Variants in MAML3 observed in about 807,000 individuals in gnomAD.
MAML3 encodes mastermind-like protein 3.
A neutral mutation model predicts 101.9 loss-of-function variants in MAML3; 27 were observed. That is an observed-to-expected ratio of 0.27 (90% CI 0.20 to 0.37). The LOEUF (loss-of-function observed/expected upper bound fraction) is 0.37, where lower values mean the gene tolerates loss of function less well. Ranked by LOEUF, MAML3 falls within the 10% of genes least tolerant of loss-of-function variation. The pLI is 1.00. For synonymous variants in MAML3, 501 were observed against 555.9 expected, an observed-to-expected ratio of 0.90 and a Z score of 1.39; for missense variants, 1,316 against 1,444.9, an observed-to-expected ratio of 0.91 and a Z score of 1.45.
intron 1 of MAML3, among the ~76,000 whole-genome samples, chr4:140,000,390 G>C (rs1270596537): frequency 6.7e-6 from 1 of 150,268 alleles, no homozygotes; most frequent in Non-Finnish European, 1.5e-5. Context: ...GGAATAAAAA[G>C]AGCTTTGCCA....
chr4:139,720,422 T>TC, intron 4 of MAML3, 99 bp from the exon 5 acceptor site: 10 of 1,074,032 alleles, frequency 9.3e-6, no homozygotes, highest in Non-Finnish European at 1.3e-5. Context: ...AAAATTCCTT[T>TC]ATATGAAAGG....
chr4:140,048,582 T>A (rs920265468), intron 1 of MAML3, among the ~76,000 whole-genome samples: 12 of 152,184 alleles, frequency 7.9e-5, no homozygotes, highest in Non-Finnish European at 1.8e-4. Flanking sequence ...ATTACCCAGG[T>A]AACTTGGGTC....
chr4:139,842,762 CTTTTTTTTTTTTTTTTTTT>C (rs71584337), intron 2 of MAML3, among the ~76,000 whole-genome samples: 3 of 30,920 alleles, frequency 9.7e-5, no homozygotes, highest in African/African-American at 1.3e-4. Flanking sequence ...ATCCGCTTGC[CTTTTTTTTTTTTTTTTTTT>C]TTTTTTTTTT....
At chr4:139,749,867 T>C (rs1008666399) in intron 2 of MAML3, among the ~76,000 whole-genome samples, 1 of 147,282 alleles carries the variant, frequency 6.8e-6, no homozygotes, top group African/African-American at 2.6e-5. Flanking sequence ...TCAACTCTCA[T>C]AGTGGAGATG....
intron 2 of MAML3, among the ~76,000 whole-genome samples, chr4:139,792,034 G>T (rs1441425308): frequency 1.3e-5 from 2 of 152,216 alleles, no homozygotes; most frequent in Non-Finnish European, 2.9e-5. Flanking sequence ...GGAGGCTAGA[G>T]AAATATTAAT....
At chr4:140,096,207 T>C (rs1728161929) in intron 1 of MAML3, among the ~76,000 whole-genome samples, 1 of 152,190 alleles carries the variant, frequency 6.6e-6, no homozygotes. Context: ...TTACGCACTT[T>C]GGGGTACTTA....
chr4:139,745,392 C>G (rs1027011815), intron 2 of MAML3, among the ~76,000 whole-genome samples: 1 of 152,126 alleles, frequency 6.6e-6, no homozygotes, highest in African/African-American at 2.4e-5. Context: ...TAGAACAGGG[C>G]TGGATCTGGA....
At chr4:139,768,143 A>G (rs1729900613) in intron 2 of MAML3, among the ~76,000 whole-genome samples, 1 of 150,820 alleles carries the variant, frequency 6.6e-6, no homozygotes, top group Non-Finnish European at 1.5e-5. Flanking sequence ...TAGATTTTGG[A>G]TATTAGTCCT....
chr4:139,837,103 CA>C (rs1731267093), intron 2 of MAML3, among the ~76,000 whole-genome samples: 1 of 76,912 alleles, frequency 1.3e-5, no homozygotes, highest in Admixed American at 1.7e-4. Flanking sequence ...GCCTGGGCAA[CA>C]AGAATGAAAC....
chr4:139,829,005 G>GGAAA (rs1344029984), intron 2 of MAML3, among the ~76,000 whole-genome samples: 5 of 134,198 alleles, frequency 3.7e-5, no homozygotes, highest in African/African-American at 1.5e-4. Flanking sequence ...AAGGAAGGAA[G>GGAAA]GAAGGAAGGA....
chr4:139,990,898 AAG>A (rs1282508010), intron 1 of MAML3, among the ~76,000 whole-genome samples: 4 of 152,336 alleles, frequency 2.6e-5, no homozygotes, highest in East Asian at 1.9e-4. Context: ...AATGAAATAA[AAG>A]AGGATACGAA....
chr4:139,783,875 T>C (rs1430877056), intron 2 of MAML3, among the ~76,000 whole-genome samples: 1 of 152,210 alleles, frequency 6.6e-6, no homozygotes, highest in Non-Finnish European at 1.5e-5. Flanking sequence ...CCCGGGCTGC[T>C]GAACACCATT....
chr4:140,010,790 A>G (rs539453663), intron 1 of MAML3, among the ~76,000 whole-genome samples: 5 of 152,248 alleles, frequency 3.3e-5, no homozygotes, highest in Non-Finnish European at 1.5e-5. Flanking sequence ...GAAATGAATG[A>G]CATAATGATC....
intron 4 of MAML3, among the ~76,000 whole-genome samples, chr4:139,721,996 T>C (rs1228252183): frequency 6.6e-6 from 1 of 152,138 alleles, no homozygotes; most frequent in Non-Finnish European, 1.5e-5. Context: ...GAGTCAGAGA[T>C]TGATTGGATA....
chr4:139,908,542 A>G (rs1732860493), intron 1 of MAML3, among the ~76,000 whole-genome samples: 1 of 152,246 alleles, frequency 6.6e-6, no homozygotes, highest in Non-Finnish European at 1.5e-5. Context: ...AGCAATTGAT[A>G]CATGTATTAT....
At chr4:139,772,405 G>A (rs138005863) in intron 2 of MAML3, among the ~76,000 whole-genome samples, 15,444 of 149,806 alleles carry the variant, frequency 0.1, 918 homozygotes, top group Middle Eastern at 0.16. Context: ...GCAGTGGCGC[G>A]ATCTCGGCTC....
intron 1 of MAML3, among the ~76,000 whole-genome samples, chr4:139,895,459 A>G (rs750803203): frequency 1.1e-4 from 17 of 152,196 alleles, no homozygotes; most frequent in Non-Finnish European, 2.4e-4. Flanking sequence ...AAGTGGGTCA[A>G]TAATATCTAG....
intron 2 of MAML3, among the ~76,000 whole-genome samples, chr4:139,830,498 G>A (rs369678730): frequency 1.5e-4 from 22 of 144,580 alleles, no homozygotes; most frequent in African/African-American, 4.8e-4. Flanking sequence ...CACTGCAAGC[G>A]CCGCCTCCCG....
intron 1 of MAML3, among the ~76,000 whole-genome samples, chr4:140,147,684 CTGTT>C (rs1337629636): frequency 2.0e-5 from 3 of 152,186 alleles, no homozygotes; most frequent in Non-Finnish European, 2.9e-5. Flanking sequence ...AGTCTGATGT[CTGTT>C]TGATTGATTT....
Sources: gnomAD v4.1 joint callset for allele counts (sites outside exome capture counted in the v4.1 genomes callset) on GRCh38, gnomAD v4.1.1 for gene constraint, MANE v1.5 for transcripts, NCBI Gene and HGNC (gene_info 2026-07-23, HGNC 2026-07-21) for gene names.